Variants in PLEKHG7 observed in about 807,000 individuals in gnomAD.
PLEKHG7 encodes pleckstrin homology domain-containing family G member 7.
A neutral mutation model predicts 85.2 loss-of-function variants in PLEKHG7; 77 were observed. The ratio of observed to expected loss-of-function variants is 0.90; its 90% CI spans 0.75 to 1.09. The LOEUF (loss-of-function observed/expected upper bound fraction) is 1.09. Among genes scored for constraint, PLEKHG7 ranks in the 50% least tolerant of loss-of-function variants. PLEKHG7 has a pLI of 0.00. For missense variants in PLEKHG7, 777 were observed against 804.3 expected (o/e 0.97, Z 0.41); for synonymous variants, 301 against 302.4 (o/e 1.00, Z 0.05).
rs1251948710 is a variant in PLEKHG7, at chr12:92,771,253, A to C, written c.*1058A>C. 6.6e-6 allele frequency: 1 copy of C among 152,128 alleles called. No homozygotes were observed. The highest frequency in any genetic ancestry group is 1.5e-5 in the Non-Finnish European group (1 of 67,980). The allele number at this position is 152,128 out of a possible 1,614,324, so 9.4% of individuals were successfully genotyped here. A position where few individuals can be genotyped will look rare whatever the true frequency, so the allele number is the denominator to read the frequency against. ...AAAGTGAAAGTAGTAAATTTATCAAATTTGGCTGCAAGACAACTGAAGCCT... is the reference window on the plus strand; with the variant it reads ...AAAGTGAAAGTAGTAAATTTATCAACTTTGGCTGCAAGACAACTGAAGCCT... On this transcript the variant is annotated 3_prime_UTR_variant, in exon 17 of 17. Coordinates refer to ENST00000344636, the MANE Select transcript of PLEKHG7 (RefSeq NM_001377329.1).
At chr12:92,714,813 C>T (rs961510619) in intron 3 of PLEKHG7, among the ~76,000 whole-genome samples, 10 of 152,164 alleles carry the variant, frequency 6.6e-5, no homozygotes, top group Non-Finnish European at 1.3e-4. Flanking sequence ...ACTCTCCAAA[C>T]GGTTCACACC....
intron 13 of PLEKHG7, among the ~76,000 whole-genome samples, chr12:92,757,020 T>C (rs1872854401): frequency 1.3e-5 from 2 of 152,058 alleles, no homozygotes; most frequent in South Asian, 4.1e-4. Flanking sequence ...GGGAGGTCAT[T>C]CAGATAAATA....
intron 14 of PLEKHG7, 115 bp downstream of exon 14, chr12:92,761,946 C>T (rs1005646248): frequency 8.0e-7 from 1 of 1,255,626 alleles, no homozygotes; most frequent in Admixed American, 4.2e-5. Flanking sequence ...GAATCTTTTC[C>T]TCTAAAAAAT....
At chr12:92,759,270 A>G (rs1040499312) in intron 13 of PLEKHG7, among the ~76,000 whole-genome samples, 12 of 152,246 alleles carry the variant, frequency 7.9e-5, no homozygotes, top group African/African-American at 2.9e-4. Context: ...AACATTATCT[A>G]GAATAACATC....
intron 3 of PLEKHG7, chr12:92,721,571 G>A (rs1268710172): frequency 8.2e-6 from 9 of 1,097,676 alleles, no homozygotes; most frequent in Middle Eastern, 3.4e-4. Flanking sequence ...GTGGGTGGGG[G>A]TGGGGAAAGC....
At position 92,736,476 on chromosome 12, in the gene PLEKHG7, G is replaced by C. The variant is rs557556593; in HGVS notation, c.700-6G>C. ...GAAAATCCTGTTTCTAACCATCTTC[G>C]AGCAGGGCAAAGACAAACACAAGCA... On this transcript the variant is annotated splice_region_variant and splice_polypyrimidine_tract_variant and intron_variant, in intron 5 of 16. Transcript: ENST00000344636. The C allele has an allele frequency of 8.1e-7, 1 of 1,230,086 alleles. No homozygotes were observed. Among genetic ancestry groups the C allele is most frequent in the Non-Finnish European group, 1.0e-6 (1 of 986,254 alleles). The allele number at this position is 1,230,086 out of a possible 1,614,324, so 76.2% of individuals were successfully genotyped here.
At chr12:92,766,430 C>T (rs940948785) in intron 15 of PLEKHG7, among the ~76,000 whole-genome samples, 1 of 152,136 alleles carries the variant, frequency 6.6e-6, no homozygotes. Context: ...GTAGTCACAA[C>T]CCTGCCAGCT....
At position 92,770,605 on chromosome 12, in the gene PLEKHG7, C is replaced by T. The variant is rs1873383627; in HGVS notation, c.*410C>T. The T allele has an allele frequency of 6.1e-6, 1 of 163,240 alleles. No homozygotes were observed. The highest frequency in any genetic ancestry group is 6.5e-5 in the Admixed American group (1 of 15,394). 10.1% of individuals were successfully genotyped at this position (163,240 alleles called of 1,614,324 possible). On this transcript the variant is annotated 3_prime_UTR_variant, in exon 17 of 17. Coordinates refer to ENST00000344636, the MANE Select transcript of PLEKHG7 (RefSeq NM_001377329.1). ...TAAAATAATGAAACCAATTTTCCTT[C>T]ATGGCCTGTCAATCAGTCTTAACCG...
chr12:92,732,766 G>A (rs1872028641), intron 5 of PLEKHG7, among the ~76,000 whole-genome samples: 1 of 152,064 alleles, frequency 6.6e-6, no homozygotes, highest in Admixed American at 6.5e-5. Flanking sequence ...AATAATTGAC[G>A]AGTTATCCAT....
chr12:92,754,518 A>AAGTG (rs1217634746), intron 11 of PLEKHG7, among the ~76,000 whole-genome samples: 1 of 152,178 alleles, frequency 6.6e-6, no homozygotes, highest in African/African-American at 2.4e-5. Context: ...AGTGTTTCAG[A>AAGTG]AGTGAGTTCA....
chr12:92,707,659 T>C lies in PLEKHG7; in HGVS notation c.517T>C (p.Leu173=). 1 of 1,613,802 alleles carries C rather than the reference T, an allele frequency of 6.2e-7. No homozygotes were observed. The highest frequency in any genetic ancestry group is 1.1e-5 in the South Asian group (1 of 90,958). ...LRHPSPQGEE[L]HPSRFYEHRR... is the part of the protein sequence containing the mutation. ...TTAAAATTTATTTCAGGGAGAAGAA[T>C]TGCACCCATCCAGGTGTGTATGCAT... Residue 173 remains leucine, a synonymous_variant, in exon 3 of 17, where the codon TTG becomes CTG. Coordinates refer to ENST00000344636, the MANE Select transcript of PLEKHG7 (RefSeq NM_001377329.1).
chr12:92,703,553 C>T (rs1035873112), intron 1 of PLEKHG7, among the ~76,000 whole-genome samples: 3 of 152,154 alleles, frequency 2.0e-5, no homozygotes, highest in Non-Finnish European at 4.4e-5. Context: ...CTTTGATGTC[C>T]TCTTGGTAAA....
At chr12:92,725,153 G>A (rs866226744) in intron 3 of PLEKHG7, among the ~76,000 whole-genome samples, 43 of 152,154 alleles carry the variant, frequency 2.8e-4, no homozygotes, top group African/African-American at 1.0e-3. Flanking sequence ...ATGACTAGGA[G>A]TTAGACAGAC....
At chr12:92,750,865 T>C (rs903353228) in intron 10 of PLEKHG7, among the ~76,000 whole-genome samples, 1 of 152,080 alleles carries the variant, frequency 6.6e-6, no homozygotes, top group Non-Finnish European at 1.5e-5. Flanking sequence ...CTAGCCACAC[T>C]GGAGTCTGAG....
At chr12:92,762,002 GTAAATAAATAAATAAA>G (rs61049024) in intron 14 of PLEKHG7, among the ~76,000 whole-genome samples, 171 bp downstream of exon 14, 36 of 151,726 alleles carry the variant, frequency 2.4e-4, no homozygotes, top group African/African-American at 6.8e-4. Flanking sequence ...AAGCTCTGAA[GTAAATAAATAAATAAA>G]TAAATAAATG....
At chr12:92,761,667 AAAGAAAG>A (rs1555196621) in intron 13 of PLEKHG7, 78 bp from the exon 14 acceptor site, 2 of 1,264,674 alleles carry the variant, frequency 1.6e-6, no homozygotes, top group East Asian at 3.2e-5. Context: ...AGAAAGAAAG[AAAGAAAG>A]AAAGAAAGAA....
intron 13 of PLEKHG7, among the ~76,000 whole-genome samples, chr12:92,761,315 G>A (rs554635768): frequency 2.0e-5 from 3 of 152,222 alleles, no homozygotes; most frequent in East Asian, 1.9e-4. Flanking sequence ...CCTCGGCTGA[G>A]TTGAAGCCAC....
At chr12:92,740,305 G>A (rs1872314271) in intron 7 of PLEKHG7, among the ~76,000 whole-genome samples, 1 of 152,088 alleles carries the variant, frequency 6.6e-6, no homozygotes, top group South Asian at 2.1e-4. Context: ...TCTCCAATTT[G>A]TGAAATCATC....
At position 92,771,120 on chromosome 12, in the gene PLEKHG7, G is replaced by GAT. The variant is rs1873417800; in HGVS notation, c.*931_*932dup. The GAT allele has an allele frequency of 6.6e-6, 1 of 151,842 alleles. No individual in the cohort carries two copies. Among genetic ancestry groups the GAT allele is most frequent in the African/African-American group, 2.4e-5 (1 of 41,360 alleles). 9.4% of individuals were successfully genotyped at this position (151,842 alleles called of 1,614,324 possible). A position where few individuals can be genotyped will look rare whatever the true frequency, so the allele number is the denominator to read the frequency against. On this transcript the variant is annotated 3_prime_UTR_variant, in exon 17 of 17. Coordinates refer to ENST00000344636, the MANE Select transcript of PLEKHG7 (RefSeq NM_001377329.1). ...GTTTGAATAATTATTATCATGGCAG[G>GAT]ATATATACTATTAACTACATTCAAG...
Sources: allele counts gnomAD v4.1 joint callset (sites outside exome capture counted in the v4.1 genomes callset), GRCh38; gene constraint gnomAD v4.1.1; transcripts MANE v1.5; gene names NCBI Gene and HGNC (gene_info 2026-07-23, HGNC 2026-07-21).